Variants in NMNAT2 observed in about 807,000 individuals in gnomAD.
The protein encoded by NMNAT2 is nicotinamide nucleotide adenylyltransferase 2.
NMNAT2 carries 11 observed loss-of-function variants against 41.6 expected under a neutral mutation model. The ratio of observed to expected loss-of-function variants is 0.26; its 90% CI spans 0.17 to 0.44. NMNAT2 has a LOEUF of 0.44. NMNAT2 is among the 20% of genes least tolerant of loss of function. NMNAT2 has a pLI of 1.00. For missense variants in NMNAT2, 288 were observed against 407.7 expected, an observed-to-expected ratio of 0.71 and a Z score of 2.53; for synonymous variants, 148 against 151.2, an observed-to-expected ratio of 0.98 and a Z score of 0.16.
At chr1:183,355,198 G>A (rs765993967) in intron 1 of NMNAT2, among the ~76,000 whole-genome samples, 6 of 152,124 alleles carry the variant, frequency 3.9e-5, no homozygotes, top group African/African-American at 1.2e-4. Context: ...GTTCAAATGC[G>A]ATTTCCTCGG....
In NMNAT2 at chr1:183,393,333, T is replaced by C. The variant is rs139009287; in HGVS notation, c.85+24850A>G. Among the ~76,000 whole-genome samples the C allele has an allele frequency of 2.6e-5, 4 of 152,308 alleles. No homozygotes were observed. In the East Asian group the frequency reaches 7.7e-4, roughly 29 times the overall value. ...TAGGGCAGATGGTGCCAATCCCATT[T>C]TACAGATGAGGATGCTAAGCCTCAG... On this transcript the variant is annotated intron_variant, in intron 1 of 10. Coordinates refer to ENST00000287713, the MANE Select transcript of NMNAT2 (RefSeq NM_015039.4).
chr1:183,375,072 A>G (rs1280956976), intron 1 of NMNAT2, among the ~76,000 whole-genome samples: 1 of 152,186 alleles, frequency 6.6e-6, no homozygotes, highest in Non-Finnish European at 1.5e-5. Context: ...GACTGGGGGC[A>G]GGAAGGCCTC....
intron 1 of NMNAT2, among the ~76,000 whole-genome samples, chr1:183,398,621 C>T (rs1481754858): frequency 6.6e-6 from 1 of 152,152 alleles, no homozygotes; most frequent in Non-Finnish European, 1.5e-5. Flanking sequence ...CTTCTTAGCA[C>T]CACATCACAC....
chr1:183,291,733 C>A (rs1661545045), intron 3 of NMNAT2, among the ~76,000 whole-genome samples: 1 of 152,184 alleles, frequency 6.6e-6, no homozygotes, highest in African/African-American at 2.4e-5. Flanking sequence ...TGTTAAGAGG[C>A]CTCATTTCTA....
At position 183,350,680 on chromosome 1, in the gene NMNAT2, G is replaced by A. The variant is rs1409045209; in HGVS notation, c.86-56887C>T. 2.6e-5 allele frequency among the ~76,000 whole-genome samples: 4 copies of A among 152,180 alleles called. No homozygotes were observed. The East Asian group carries it at 7.7e-4, about 29-fold the overall frequency. On this transcript the variant is annotated intron_variant, in intron 1 of 10. Transcript: ENST00000287713. ...GGAATTCTTTATGAACATCATTAAA[G>A]GAAGCTGTTACAGAAATAAAAGGAG...
intron 1 of NMNAT2, among the ~76,000 whole-genome samples, chr1:183,412,874 G>C (rs1311744269): frequency 6.6e-6 from 1 of 152,174 alleles, no homozygotes; most frequent in African/African-American, 2.4e-5. Flanking sequence ...AGGTCAATAT[G>C]TTGCAGCATG....
In NMNAT2 at chr1:183,264,911, T is replaced by C. The variant is rs150853158; in HGVS notation, c.652-3608A>G. 5.9e-5 allele frequency among the ~76,000 whole-genome samples: 9 copies of C among 152,260 alleles called. No homozygotes were observed. In the East Asian group the frequency reaches 1.5e-3, roughly 26 times the overall value. On this transcript the variant is annotated intron_variant, in intron 8 of 10. Transcript: ENST00000287713. ...GGGCCCCCGTGCTAATTCCTCCTTT[T>C]CTATCTGACCTTGAGCCACTGGATT...
At chr1:183,360,500 C>G (rs1258700412) in intron 1 of NMNAT2, among the ~76,000 whole-genome samples, 1 of 152,228 alleles carries the variant, frequency 6.6e-6, no homozygotes, top group Middle Eastern at 3.4e-3. Context: ...TACCCATCCA[C>G]GAGTCTCCGA....
At chr1:183,290,524 A>C in intron 3 of NMNAT2, 3 of 271,754 alleles carry the variant, frequency 1.1e-5, no homozygotes, top group East Asian at 7.7e-5. Context: ...CACCTTCCCC[A>C]TCTGTAAAAT....
chr1:183,329,497 T>A (rs1239004688), intron 1 of NMNAT2, among the ~76,000 whole-genome samples: 4 of 152,144 alleles, frequency 2.6e-5, no homozygotes, highest in Non-Finnish European at 5.9e-5. Flanking sequence ...CCTACTTGGA[T>A]AATCTTCGGC....
intron 7 of NMNAT2, among the ~76,000 whole-genome samples, chr1:183,279,773 C>T (rs1044531479): frequency 3.3e-5 from 5 of 152,212 alleles, no homozygotes; most frequent in African/African-American, 2.4e-5. Context: ...AGCCTTCCCA[C>T]GTAAGGGAGC....
At chr1:183,297,534 C>T (rs12047459) in intron 1 of NMNAT2, among the ~76,000 whole-genome samples, 1 of 152,026 alleles carries the variant, frequency 6.6e-6, no homozygotes, top group African/African-American at 2.4e-5. Context: ...AGGGATGTGC[C>T]ACCATCCCCG....
Position 183,297,985 on chromosome 1 carries a change from G to A in NMNAT2, c.86-4192C>T, listed in dbSNP as rs552044952. 2.9e-4 allele frequency among the ~76,000 whole-genome samples: 44 copies of A among 152,218 alleles called. 1 individual carries two copies. The South Asian group carries it at 7.3e-3, about 25-fold the overall frequency. On this transcript the variant is annotated intron_variant, in intron 1 of 10. Coordinates refer to ENST00000287713, the MANE Select transcript of NMNAT2 (RefSeq NM_015039.4). ...TCCTATCAATTGATGCAGAAAAAGC[G>A]TTTGACAAAATTCAACATTCATTCA...
chr1:183,317,771 C>A (rs1048198427), intron 1 of NMNAT2, among the ~76,000 whole-genome samples: 1 of 152,176 alleles, frequency 6.6e-6, no homozygotes, highest in Non-Finnish European at 1.5e-5. Flanking sequence ...AACCCCCACC[C>A]AAGTCTATTA....
At chr1:183,320,842 T>G (rs2102330293) in intron 1 of NMNAT2, among the ~76,000 whole-genome samples, 1 of 152,330 alleles carries the variant, frequency 6.6e-6, no homozygotes, top group Non-Finnish European at 1.5e-5. Flanking sequence ...TGGAACTGCC[T>G]CTGTCCTGCT....
At position 183,261,428 on chromosome 1, in the gene NMNAT2, C is replaced by T. The variant is rs934358683; in HGVS notation, c.652-125G>A. On this transcript the variant is annotated intron_variant, in intron 8 of 10. Transcript: ENST00000287713. ...GGAGCCCCAAGCTTTAGTCCCAAAC[C>T]GGCCTTCTTCTCAGCCCCATCAGCC... 147 of 811,994 alleles carry T rather than the reference C, an allele frequency of 1.8e-4. No individual in the cohort carries two copies. The East Asian group carries it at 3.3e-3, about 18-fold the overall frequency. The allele number at this position is 811,994 out of a possible 1,614,324, so 50.3% of individuals were successfully genotyped here.
At chr1:183,276,660 C>T (rs1223454205) in intron 8 of NMNAT2, among the ~76,000 whole-genome samples, 1 of 152,306 alleles carries the variant, frequency 6.6e-6, no homozygotes, top group East Asian at 1.9e-4. Context: ...TGACCTCGTC[C>T]CTCTAAATTC....
At chr1:183,347,427 G>A (rs957486526) in intron 1 of NMNAT2, among the ~76,000 whole-genome samples, 1 of 152,118 alleles carries the variant, frequency 6.6e-6, no homozygotes, top group African/African-American at 2.4e-5. Context: ...CCGCACTCCA[G>A]TCTGGGTGAC....
intron 1 of NMNAT2, among the ~76,000 whole-genome samples, chr1:183,413,797 T>C (rs1164606197): frequency 2.0e-5 from 3 of 151,972 alleles, no homozygotes; most frequent in Admixed American, 2.0e-4. Flanking sequence ...TTAGTAGAGA[T>C]GGGGTTTCAC....
Sources: gnomAD v4.1 joint callset for allele counts (sites outside exome capture counted in the v4.1 genomes callset) on GRCh38, gnomAD v4.1.1 for gene constraint, MANE v1.5 for transcripts, NCBI Gene and HGNC (gene_info 2026-07-23, HGNC 2026-07-21) for gene names.